Variants in NEUROD4 observed in about 807,000 individuals in gnomAD.
NEUROD4 encodes the protein neuronal differentiation 4.
In NEUROD4, 16 loss-of-function variants were observed where a neutral mutation model predicts 19.8. The ratio of observed to expected loss-of-function variants is 0.81; its 90% CI spans 0.55 to 1.23. The LOEUF (loss-of-function observed/expected upper bound fraction) is 1.23. NEUROD4 is among the 50% of genes most tolerant of loss of function. NEUROD4 has a pLI of 0.00. For synonymous variants in NEUROD4, 153 were observed against 147.9 expected (o/e 1.03, Z -0.25); for missense variants, 439 against 398.6 (o/e 1.10, Z -0.86).
chr12:55,028,675 C>A lies in NEUROD4; in HGVS notation c.*1240C>A, dbSNP rs1952760866. On this transcript the variant is annotated 3_prime_UTR_variant, in exon 2 of 2. Transcript: ENST00000242994. ...TCTCTCCCCCTACACTAATTGTTAC[C>A]TCTTCCTCACTTCTAAGATAGAATA... 6.0e-6 allele frequency: 1 copy of A among 167,020 alleles called. No homozygotes were observed. Among genetic ancestry groups the A allele is most frequent in the East Asian group, 1.9e-4 (1 of 5,206 alleles). 10.3% of individuals were successfully genotyped at this position (167,020 alleles called of 1,614,324 possible). A position where few individuals can be genotyped will look rare whatever the true frequency, so the allele number is the denominator to read the frequency against.
chr12:55,029,880 C>T lies in NEUROD4; in HGVS notation c.*2445C>T, dbSNP rs1952772672. On this transcript the variant is annotated 3_prime_UTR_variant, in exon 2 of 2. Coordinates refer to ENST00000242994, the MANE Select transcript of NEUROD4 (RefSeq NM_021191.3). ...AATGCAATAGCTTGTAAAGAGCCTG[C>T]TCTCCAACATAGGGTGGTCTCATTC... is the stretch of plus-strand genomic sequence containing the variant. 6.0e-6 allele frequency: 1 copy of T among 167,026 alleles called. No homozygotes were observed. The highest frequency in any genetic ancestry group is 2.1e-4 in the South Asian group (1 of 4,830). The allele number at this position is 167,026 out of a possible 1,614,324, so 10.3% of individuals were successfully genotyped here.
chr12:55,020,511 T>C (rs1398937138), intron 1 of NEUROD4, among the ~76,000 whole-genome samples, 198 bp downstream of exon 1: 1 of 152,194 alleles, frequency 6.6e-6, no homozygotes, highest in Non-Finnish European at 1.5e-5. Context: ...TTTTATTAAA[T>C]TTTATAGCAC....
Position 55,027,857 on chromosome 12 carries a change from T to C in NEUROD4, c.*422T>C, listed in dbSNP as rs1360545283. The C allele has an allele frequency of 5.7e-6, 1 of 174,548 alleles. No homozygotes were observed. Among genetic ancestry groups the C allele is most frequent in the Non-Finnish European group, 1.4e-5 (1 of 73,714 alleles). 10.8% of individuals were successfully genotyped at this position (174,548 alleles called of 1,614,324 possible). A position where few individuals can be genotyped will look rare whatever the true frequency, so the allele number is the denominator to read the frequency against. On this transcript the variant is annotated 3_prime_UTR_variant, in exon 2 of 2. Transcript: ENST00000242994. ...TCTAAAGTCCTTCACAGTTCTGAAA[T>C]GCTATAACTGTGGTGATCACTCTTG...
chr12:55,026,324 T>C, intron 1 of NEUROD4, 107 bp from the exon 2 acceptor site: 3 of 902,440 alleles, frequency 3.3e-6, no homozygotes, highest in Non-Finnish European at 3.3e-6. Context: ...TTTGGACTGG[T>C]CATTTAGAAT....
At chr12:55,026,379 A>C in intron 1 of NEUROD4, 52 bp from the exon 2 acceptor site, 1 of 1,492,250 alleles carries the variant, frequency 6.7e-7, no homozygotes, top group Non-Finnish European at 9.0e-7. Flanking sequence ...CTTTAGTTTC[A>C]AATAAAATCA....
intron 1 of NEUROD4, among the ~76,000 whole-genome samples, chr12:55,022,951 G>T (rs1952684578): frequency 6.6e-6 from 1 of 152,070 alleles, no homozygotes; most frequent in Non-Finnish European, 1.5e-5. Context: ...AATTCATGGT[G>T]ATGTTTAGGA....
At chr12:55,025,217 C>G (rs986282684) in intron 1 of NEUROD4, among the ~76,000 whole-genome samples, 5 of 152,190 alleles carry the variant, frequency 3.3e-5, no homozygotes, top group African/African-American at 1.2e-4. Context: ...AATCACTAGT[C>G]TCTTCTGGTT....
rs1246738506 is a variant in NEUROD4 at position 55,028,593 on chromosome 12, G to T, written c.*1158G>T. ...ACCAATATATTTTCCAGAAGCACAAGCACCAATCAATTTATTGATCAAGGT... is the reference window on the plus strand; with the variant it reads ...ACCAATATATTTTCCAGAAGCACAATCACCAATCAATTTATTGATCAAGGT... On this transcript the variant is annotated 3_prime_UTR_variant, in exon 2 of 2. Coordinates refer to ENST00000242994, the MANE Select transcript of NEUROD4 (RefSeq NM_021191.3). 1.8e-5 allele frequency: 3 copies of T among 167,066 alleles called. No homozygotes were observed. The highest frequency in any genetic ancestry group is 2.1e-4 in the South Asian group (1 of 4,818). 10.3% of individuals were successfully genotyped at this position (167,066 alleles called of 1,614,324 possible).
chr12:55,024,019 C>T (rs956759280), intron 1 of NEUROD4, among the ~76,000 whole-genome samples: 1 of 152,152 alleles, frequency 6.6e-6, no homozygotes, highest in Non-Finnish European at 1.5e-5. Flanking sequence ...GATCCAGGGA[C>T]AATTCAGGAG....
intron 1 of NEUROD4, among the ~76,000 whole-genome samples, chr12:55,022,744 T>A (rs144203206): frequency 6.4e-4 from 98 of 152,270 alleles, no homozygotes; most frequent in Admixed American, 1.2e-3. Flanking sequence ...TGGAGGCAGT[T>A]GATAGGGCTT....
chr12:55,022,140 T>A (rs1490296303), intron 1 of NEUROD4, among the ~76,000 whole-genome samples: 1 of 152,198 alleles, frequency 6.6e-6, no homozygotes, highest in Non-Finnish European at 1.5e-5. Context: ...ACAATCTTAT[T>A]TTCATTTTGC....
chr12:55,026,279 A>G (rs1952727382), intron 1 of NEUROD4, among the ~76,000 whole-genome samples, 152 bp from the exon 2 acceptor site: 1 of 152,228 alleles, frequency 6.6e-6, no homozygotes, highest in Non-Finnish European at 1.5e-5. Flanking sequence ...ATACTATGCC[A>G]TAACTAAAGG....
At position 55,026,469 on chromosome 12, in the gene NEUROD4, G is replaced by A; in HGVS notation, c.30G>A (p.Glu10=). MSKTFVKSK[E]MGELVNTPSW... is the part of the protein sequence containing the mutation. ...CAAAAACTTTTGTAAAATCCAAGGA[G>A]ATGGGAGAGCTAGTCAACACACCAT... is the stretch of plus-strand genomic sequence containing the variant. Residue 10 remains glutamate, a synonymous_variant, in exon 2 of 2, where the codon GAG becomes GAA. Coordinates refer to ENST00000242994, the MANE Select transcript of NEUROD4 (RefSeq NM_021191.3). 3 of 1,611,714 alleles carry A rather than the reference G, an allele frequency of 1.9e-6. No individual in the cohort carries two copies. The highest frequency in any genetic ancestry group is 2.5e-6 in the Non-Finnish European group (3 of 1,179,174).
At chr12:55,021,436 C>A (rs917025212) in intron 1 of NEUROD4, among the ~76,000 whole-genome samples, 7 of 152,164 alleles carry the variant, frequency 4.6e-5, no homozygotes, top group African/African-American at 1.7e-4. Flanking sequence ...GAGATTATCA[C>A]CAGCTTTTAA....
rs1952667882 is a variant in NEUROD4, at chr12:55,020,582, G to A, written c.-10+269G>A. Among the ~76,000 whole-genome samples the A allele has an allele frequency of 2.0e-5, 3 of 152,186 alleles. No individual in the cohort carries two copies. In the South Asian group the frequency reaches 6.2e-4, roughly 32 times the overall value. On this transcript the variant is annotated intron_variant, in intron 1 of 1. Transcript: ENST00000242994. ...TCATTTTAATAAAGTGAAGAATACAGATGATCTCCCCCAATTCCTGTCAAA... is the reference window on the plus strand; with the variant it reads ...TCATTTTAATAAAGTGAAGAATACAAATGATCTCCCCCAATTCCTGTCAAA...
rs1002543183 is a variant in NEUROD4 at position 55,029,467 on chromosome 12, G to A, written c.*2032G>A. 1.2e-5 allele frequency: 2 copies of A among 166,942 alleles called. No individual in the cohort carries two copies. The highest frequency in any genetic ancestry group is 6.5e-5 in the Admixed American group (1 of 15,272). The allele number at this position is 166,942 out of a possible 1,614,324, so 10.3% of individuals were successfully genotyped here. A position where few individuals can be genotyped will look rare whatever the true frequency, so the allele number is the denominator to read the frequency against. On this transcript the variant is annotated 3_prime_UTR_variant, in exon 2 of 2. Coordinates refer to ENST00000242994, the MANE Select transcript of NEUROD4 (RefSeq NM_021191.3). ...GCATTTAAGTTTGTAGATAATCACT[G>A]TTGTTTGAGTTATTTATTAGATATT...
At position 55,027,519 on chromosome 12, in the gene NEUROD4, A is replaced by G; in HGVS notation, c.*84A>G. On this transcript the variant is annotated 3_prime_UTR_variant, in exon 2 of 2. Transcript: ENST00000242994. ...GTTGAGCTAAAGATTCAATGACCTT[A>G]AAGGATCCCTATGGATATATATCAA... is the stretch of plus-strand genomic sequence containing the variant. 7.8e-7 allele frequency: 1 copy of G among 1,281,218 alleles called. No individual in the cohort carries two copies. Among genetic ancestry groups the G allele is most frequent in the Non-Finnish European group, 1.1e-6 (1 of 917,090 alleles). 79.4% of individuals were successfully genotyped at this position (1,281,218 alleles called of 1,614,324 possible). A position where few individuals can be genotyped will look rare whatever the true frequency, so the allele number is the denominator to read the frequency against.
At chr12:55,021,749 C>T (rs371591016) in intron 1 of NEUROD4, among the ~76,000 whole-genome samples, 55 of 152,124 alleles carry the variant, frequency 3.6e-4, no homozygotes, top group South Asian at 2.9e-3. Context: ...CCCTATAGAA[C>T]GAGGAAAATT....
chr12:55,027,531 T>C lies in NEUROD4; in HGVS notation c.*96T>C. Reference sequence around the variant, plus strand: ...ATTCAATGACCTTAAAGGATCCCTATGGATATATATCAAACAATAGTTCAA... The same window carrying C: ...ATTCAATGACCTTAAAGGATCCCTACGGATATATATCAAACAATAGTTCAA... On this transcript the variant is annotated 3_prime_UTR_variant, in exon 2 of 2. Coordinates refer to ENST00000242994, the MANE Select transcript of NEUROD4 (RefSeq NM_021191.3). The C allele has an allele frequency of 8.7e-7, 1 of 1,153,466 alleles. No individual in the cohort carries two copies. The highest frequency in any genetic ancestry group is 1.5e-5 in the South Asian group (1 of 66,828). The allele number at this position is 1,153,466 out of a possible 1,614,324, so 71.5% of individuals were successfully genotyped here. A position where few individuals can be genotyped will look rare whatever the true frequency, so the allele number is the denominator to read the frequency against.
Sources: allele counts gnomAD v4.1 joint callset (sites outside exome capture counted in the v4.1 genomes callset), GRCh38; gene constraint gnomAD v4.1.1; transcripts MANE v1.5; gene names NCBI Gene and HGNC (gene_info 2026-07-23, HGNC 2026-07-21).